EFCAB13: variants seen among roughly 807,000 people sequenced by gnomAD.
The protein encoded by EFCAB13 is EF-hand calcium binding domain 13.
EFCAB13 carries 91 observed loss-of-function variants against 110.2 expected under a neutral mutation model. The observed-to-expected ratio is 0.83, with a 90% CI of 0.70 to 0.98. EFCAB13 has a LOEUF of 0.98. EFCAB13 is among the 50% of genes least tolerant of loss of function. The pLI is 0.00. For missense variants in EFCAB13, 968 were observed against 1,119.4 expected, an observed-to-expected ratio of 0.86 and a Z score of 1.93; for synonymous variants, 323 against 369.9, an observed-to-expected ratio of 0.87 and a Z score of 1.45.
At chr17:47,386,073 G>A (rs571075572) in intron 14 of EFCAB13, among the ~76,000 whole-genome samples, 39 of 152,268 alleles carry the variant, frequency 2.6e-4, no homozygotes, top group Non-Finnish European at 4.7e-4. Flanking sequence ...AATCGCTGTT[G>A]GGAGGTCTCT....
At chr17:47,330,242 C>A (rs78218191) in intron 4 of EFCAB13, among the ~76,000 whole-genome samples, 3,075 of 150,030 alleles carry the variant, frequency 0.02, 93 homozygotes, top group East Asian at 0.18. Context: ...AATATAGCTT[C>A]TTTTTTTTTA....
At chr17:47,370,967 T>C (rs979713877) in intron 11 of EFCAB13, among the ~76,000 whole-genome samples, 1 of 151,748 alleles carries the variant, frequency 6.6e-6, no homozygotes, top group African/African-American at 2.4e-5. Flanking sequence ...CTTGAACTCC[T>C]GACCTCAGGT....
intron 5 of EFCAB13, among the ~76,000 whole-genome samples, chr17:47,341,226 T>G (rs1033141792): frequency 1.3e-5 from 2 of 152,162 alleles, no homozygotes; most frequent in Admixed American, 6.5e-5. Context: ...TTTCAGTCAA[T>G]TATGATGCTG....
intron 5 of EFCAB13, among the ~76,000 whole-genome samples, chr17:47,336,592 A>AT (rs66495523): frequency 0.012 from 1,386 of 119,502 alleles, 5 homozygotes; most frequent in Non-Finnish European, 0.015. Flanking sequence ...CACCTGGCCA[A>AT]TTTTTTTTTT....
At chr17:47,337,311 A>G (rs1051072664) in intron 5 of EFCAB13, among the ~76,000 whole-genome samples, 3 of 152,230 alleles carry the variant, frequency 2.0e-5, no homozygotes, top group Non-Finnish European at 4.4e-5. Context: ...AGTGGGAGCT[A>G]AACAATTCAT....
intron 23 of EFCAB13, among the ~76,000 whole-genome samples, chr17:47,426,956 A>G (rs1258415033): frequency 6.6e-6 from 1 of 152,132 alleles, no homozygotes; most frequent in African/African-American, 2.4e-5. Flanking sequence ...TGGATAAATA[A>G]CCTTATTATA....
chr17:47,414,948 T>C (rs759036549), intron 23 of EFCAB13, 29 bp downstream of exon 23: 1 of 1,435,740 alleles, frequency 7.0e-7, no homozygotes, highest in Non-Finnish European at 9.7e-7. Context: ...TTCAAGAGAA[T>C]GGCTAGAAAA....
chr17:47,434,309 A>C (rs1238437352), intron 24 of EFCAB13, among the ~76,000 whole-genome samples: 1 of 148,210 alleles, frequency 6.7e-6, no homozygotes, highest in Non-Finnish European at 1.5e-5. Context: ...CCTTCACAAC[A>C]GCTACAAAAA....
chr17:47,342,542 T>C (rs1171580120), intron 6 of EFCAB13, among the ~76,000 whole-genome samples: 3 of 152,232 alleles, frequency 2.0e-5, no homozygotes, highest in Non-Finnish European at 2.9e-5. Context: ...GTTTCAGATA[T>C]TAGAACATGG....
Position 47,410,048 on chromosome 17 carries a change from T to C in EFCAB13, c.2278+357T>C, listed in dbSNP as rs987203083. 4.7e-4 allele frequency among the ~76,000 whole-genome samples: 72 copies of C among 152,102 alleles called. 1 individual carries two copies. Among genetic ancestry groups the C allele is most frequent in the African/African-American group, 1.6e-3 (67 of 41,390 alleles). ...TATTCCCTGGAATATTCTTCCCTGATCCTCTTTGCCTACTGTTGTAGTCTG... is the reference window on the plus strand; with the variant it reads ...TATTCCCTGGAATATTCTTCCCTGACCCTCTTTGCCTACTGTTGTAGTCTG... On this transcript the variant is annotated intron_variant, in intron 21 of 24. Transcript: ENST00000331493.
chr17:47,420,143 T>C lies in EFCAB13; in HGVS notation c.2494+5224T>C, dbSNP rs569411624. On this transcript the variant is annotated intron_variant, in intron 23 of 24. Transcript: ENST00000331493. Reference sequence around the variant, plus strand: ...TCGTATTTTTTTGGTGGAGACGGGGTTTCGCTGTGTTGGCCGGGCTGGTCT... The same window carrying C: ...TCGTATTTTTTTGGTGGAGACGGGGCTTCGCTGTGTTGGCCGGGCTGGTCT... Among the ~76,000 whole-genome samples the C allele has an allele frequency of 4.6e-4, 70 of 152,244 alleles. 1 individual carries two copies. In the Middle Eastern group the frequency reaches 0.01, roughly 22 times the overall value.
chr17:47,397,955 G>A (rs1252294140), intron 17 of EFCAB13, among the ~76,000 whole-genome samples: 4 of 150,448 alleles, frequency 2.7e-5, no homozygotes, highest in African/African-American at 7.4e-5. Context: ...CGCCCCGTCC[G>A]GGAGGGAGGT....
chr17:47,362,575 G>C (rs888955439), intron 10 of EFCAB13, among the ~76,000 whole-genome samples: 2 of 152,192 alleles, frequency 1.3e-5, no homozygotes, highest in Admixed American at 1.3e-4. Flanking sequence ...GGGCCTGACT[G>C]ATGTCAGGCC....
chr17:47,380,781 A>G (rs376340739), intron 14 of EFCAB13, among the ~76,000 whole-genome samples: 1 of 152,040 alleles, frequency 6.6e-6, no homozygotes, highest in Non-Finnish European at 1.5e-5. Context: ...TCTAACTGGC[A>G]TGAGATGGTA....
chr17:47,402,079 G>C, intron 17 of EFCAB13, 53 bp from the exon 18 acceptor site: 1 of 1,451,330 alleles, frequency 6.9e-7, no homozygotes, highest in Non-Finnish European at 9.7e-7. Flanking sequence ...TGCTTTATTG[G>C]ATCTGACTTT....
chr17:47,345,663 C>A (rs1184188175), intron 8 of EFCAB13, among the ~76,000 whole-genome samples: 1 of 152,156 alleles, frequency 6.6e-6, no homozygotes, highest in African/African-American at 2.4e-5. Context: ...CACTGATGGC[C>A]ACAAATTACA....
chr17:47,397,484 C>T (rs1281758696), intron 17 of EFCAB13, among the ~76,000 whole-genome samples: 6 of 145,612 alleles, frequency 4.1e-5, no homozygotes, highest in Admixed American at 1.4e-4. Flanking sequence ...TCGTCTGGGA[C>T]GTGAGGAGCC....
At chr17:47,427,331 G>A (rs1904994617) in intron 23 of EFCAB13, among the ~76,000 whole-genome samples, 1 of 151,942 alleles carries the variant, frequency 6.6e-6, no homozygotes, top group Non-Finnish European at 1.5e-5. Context: ...TTACTGTCTG[G>A]GTGATACTGG....
At chr17:47,351,760 C>G (rs1005578855) in intron 9 of EFCAB13, among the ~76,000 whole-genome samples, 1 of 151,994 alleles carries the variant, frequency 6.6e-6, no homozygotes, top group Admixed American at 6.6e-5. Flanking sequence ...TTGATTATTT[C>G]TTTTGCTGTG....
Sources: gnomAD v4.1 joint callset for allele counts (sites outside exome capture counted in the v4.1 genomes callset) on GRCh38, gnomAD v4.1.1 for gene constraint, MANE v1.5 for transcripts, NCBI Gene and HGNC (gene_info 2026-07-23, HGNC 2026-07-21) for gene names.